The following GBE1 variants were observed in gnomAD, a reference collection of about 807,000 sequenced individuals.
GBE1 encodes the protein 1,4-alpha-glucan-branching enzyme.
A neutral mutation model predicts 88.8 loss-of-function variants in GBE1; 70 were observed. The observed-to-expected ratio is 0.79, with a 90% CI of 0.65 to 0.96. The LOEUF (loss-of-function observed/expected upper bound fraction) is 0.96, where lower values mean the gene tolerates loss of function less well. Ranked by LOEUF, GBE1 falls within the 40% of genes least tolerant of loss-of-function variation. The pLI is 0.00. For synonymous variants in GBE1, 284 were observed against 300.1 expected, an observed-to-expected ratio of 0.95 and a Z score of 0.56; for missense variants, 872 against 871.0, an observed-to-expected ratio of 1.00 and a Z score of -0.01.
chr3:81,761,582 C>T lies in GBE1; in HGVS notation c.-65G>A. On this transcript the variant is annotated 5_prime_UTR_variant, in exon 1 of 16. Coordinates refer to ENST00000429644, the MANE Select transcript of GBE1 (RefSeq NM_000158.4). Reference sequence around the variant, plus strand: ...AGTGGGGCCTGAGCGGGCGCTGGAGCTCTAGCTGGGACGCGGCGGCTAGGG... The same window carrying T: ...AGTGGGGCCTGAGCGGGCGCTGGAGTTCTAGCTGGGACGCGGCGGCTAGGG... 6.5e-7 allele frequency: 1 copy of T among 1,531,736 alleles called. No homozygotes were observed. The highest frequency in any genetic ancestry group is 8.8e-7 in the Non-Finnish European group (1 of 1,140,928). 94.9% of individuals were successfully genotyped at this position (1,531,736 alleles called of 1,614,324 possible).
intron 2 of GBE1, among the ~76,000 whole-genome samples, chr3:81,685,776 T>C (rs922450375): frequency 2.0e-5 from 3 of 152,174 alleles, no homozygotes; most frequent in African/African-American, 7.2e-5. Context: ...AGCATTCAAA[T>C]AGGATGAATT....
chr3:81,696,861 G>A (rs1705603786), intron 2 of GBE1, among the ~76,000 whole-genome samples: 1 of 152,090 alleles, frequency 6.6e-6, no homozygotes, highest in African/African-American at 2.4e-5. Flanking sequence ...CTAGCATTAA[G>A]GTCCATACCA....
At chr3:81,720,763 G>A (rs1706015988) in intron 1 of GBE1, among the ~76,000 whole-genome samples, 1 of 151,642 alleles carries the variant, frequency 6.6e-6, no homozygotes, top group African/African-American at 2.4e-5. Context: ...TATGTTTATT[G>A]CGGCACTATT....
chr3:81,741,940 A>C (rs1324293884), intron 1 of GBE1, among the ~76,000 whole-genome samples: 1 of 150,410 alleles, frequency 6.6e-6, no homozygotes, highest in Non-Finnish European at 1.5e-5. Context: ...TATTCCCTAG[A>C]ATCTCTTGAA....
chr3:81,646,457 T>A lies in GBE1; in HGVS notation c.717A>T (p.Ala239=). The A allele has an allele frequency of 1.9e-6, 3 of 1,602,200 alleles. No individual in the cohort carries two copies. Among genetic ancestry groups the A allele is most frequent in the Non-Finnish European group, 2.6e-6 (3 of 1,173,614 alleles). ...TGGCATAGTAAGCATGCTCCATGAT[T>A]GCCATCAACTGAATGCAGTTGTATC... The part of the protein sequence containing the change: ...GLGYNCIQLM[A]IMEHAYYASF... Residue 239 remains alanine, a synonymous_variant, in exon 6 of 16, where the codon GCA becomes GCT. Coordinates refer to ENST00000429644, the MANE Select transcript of GBE1 (RefSeq NM_000158.4).
chr3:81,619,253 C>T (rs1041044563), intron 7 of GBE1, among the ~76,000 whole-genome samples: 1 of 152,076 alleles, frequency 6.6e-6, no homozygotes, highest in Non-Finnish European at 1.5e-5. Context: ...TTCATATTAT[C>T]CAAGTCTTTA....
In GBE1 at chr3:81,492,440, CT is replaced by C. The variant is rs1413757412; in HGVS notation, c.2053-1978del. On this transcript the variant is annotated intron_variant, in intron 15 of 15. Transcript: ENST00000429644. ...AGGAGGGCACATTTCCATAATCAAG[CT>C]ACAGACAAAATGAACACAAACCAAA... 6.6e-5 allele frequency among the ~76,000 whole-genome samples: 10 copies of C among 151,834 alleles called. No homozygotes were observed. The East Asian group carries it at 1.9e-3, about 29-fold the overall frequency.
At chr3:81,628,575 C>G (rs1704452312) in intron 7 of GBE1, among the ~76,000 whole-genome samples, 1 of 151,634 alleles carries the variant, frequency 6.6e-6, no homozygotes, top group East Asian at 1.9e-4. Context: ...ATTGTTTTCT[C>G]TATGTAAATG....
At chr3:81,598,322 G>A (rs1359956982) in intron 7 of GBE1, among the ~76,000 whole-genome samples, 2 of 151,762 alleles carry the variant, frequency 1.3e-5, no homozygotes, top group East Asian at 1.9e-4. Flanking sequence ...ATAAAACCAC[G>A]AATCAAAAAC....
At chr3:81,545,939 T>C (rs990932219) in intron 12 of GBE1, among the ~76,000 whole-genome samples, 1 of 152,156 alleles carries the variant, frequency 6.6e-6, no homozygotes, top group Non-Finnish European at 1.5e-5. Context: ...GGTATTGCTG[T>C]GCTTGTGTTC....
At chr3:81,542,008 A>G (rs1240162391) in intron 12 of GBE1, among the ~76,000 whole-genome samples, 1 of 152,112 alleles carries the variant, frequency 6.6e-6, no homozygotes, top group Non-Finnish European at 1.5e-5. Context: ...GTTACAAAAT[A>G]ATCTGTTTTT....
intron 7 of GBE1, among the ~76,000 whole-genome samples, chr3:81,623,746 T>A (rs1704363768): frequency 6.6e-6 from 1 of 152,182 alleles, no homozygotes; most frequent in Admixed American, 6.5e-5. Context: ...CACTGCAGCC[T>A]CCAGGTTGCC....
intron 3 of GBE1, among the ~76,000 whole-genome samples, chr3:81,658,652 TG>T (rs1704977140): frequency 1.3e-5 from 2 of 152,192 alleles, no homozygotes; most frequent in South Asian, 4.1e-4. Context: ...AATTGTAATA[TG>T]GTTTTCTTTC....
In GBE1 at chr3:81,591,164, C is replaced by G. The variant is rs775786214; in HGVS notation, c.1109G>C (p.Gly370Ala). 1 of 1,594,082 alleles carries G rather than the reference C, an allele frequency of 6.3e-7. No individual in the cohort carries two copies. Residue 370 changes from glycine to alanine, a missense_variant and splice_region_variant, in exon 9 of 16, where the codon GGT becomes GCT. Transcript: ENST00000429644. The part of the protein sequence containing the change: ...TSMLYHHHGV[G>A]QGFSGDYSEY... ...ACTGTAATCACCTGAGAAACCTTGA[C>G]CTTAGAAAAAGAAAATCAATACGGA... is the stretch of plus-strand genomic sequence containing the variant.
chr3:81,710,693 G>A, intron 1 of GBE1, among the ~76,000 whole-genome samples: 1 of 151,990 alleles, frequency 6.6e-6, no homozygotes, highest in Non-Finnish European at 1.5e-5. Context: ...AATGGTGGCT[G>A]GAACTTTTCT....
intron 14 of GBE1, among the ~76,000 whole-genome samples, chr3:81,525,724 T>C (rs1702934533): frequency 6.6e-6 from 1 of 152,120 alleles, no homozygotes. Flanking sequence ...GTTATTGGTC[T>C]ATTCAGAGAT....
intron 7 of GBE1, among the ~76,000 whole-genome samples, chr3:81,606,653 C>T (rs1055048052): frequency 6.6e-6 from 1 of 152,194 alleles, no homozygotes; most frequent in Non-Finnish European, 1.5e-5. Context: ...ACCAGCTATA[C>T]TCTCTGCCTA....
chr3:81,491,961 A>G (rs1702442008), intron 15 of GBE1, among the ~76,000 whole-genome samples: 1 of 152,240 alleles, frequency 6.6e-6, no homozygotes, highest in South Asian at 2.1e-4. Flanking sequence ...CAAAAGTTAA[A>G]GCAGTTTTAA....
intron 11 of GBE1, among the ~76,000 whole-genome samples, chr3:81,579,358 T>C (rs1703689330): frequency 6.6e-6 from 1 of 152,160 alleles, no homozygotes; most frequent in Admixed American, 6.6e-5. Flanking sequence ...CTTGCATTAT[T>C]TCTGCTATCC....
Sources: allele counts gnomAD v4.1 joint callset (sites outside exome capture counted in the v4.1 genomes callset), GRCh38; gene constraint gnomAD v4.1.1; transcripts MANE v1.5; gene names NCBI Gene and HGNC (gene_info 2026-07-23, HGNC 2026-07-21).